Variants in GABRG2 observed in about 807,000 individuals in gnomAD.
The protein encoded by GABRG2 is gamma-aminobutyric acid type A receptor subunit gamma2, also known as gamma-aminobutyric acid receptor subunit gamma-2.
In GABRG2, 16 loss-of-function variants were observed where a neutral mutation model predicts 56.4. That is an observed-to-expected ratio of 0.28 (90% confidence interval 0.19 to 0.43). GABRG2 has a LOEUF of 0.43. GABRG2 is among the 20% of genes least tolerant of loss of function. The pLI is 1.00. For synonymous variants in GABRG2, 208 were observed against 205.5 expected (o/e 1.01, Z -0.10); for missense variants, 327 against 582.7 (o/e 0.56, Z 4.52).
intron 6 of GABRG2, among the ~76,000 whole-genome samples, chr5:162,137,178 G>A (rs191619258): frequency 3.4e-4 from 52 of 152,284 alleles, no homozygotes; most frequent in African/African-American, 1.2e-3. Flanking sequence ...GAAAGACTGA[G>A]TATTCTACCT....
intron 6 of GABRG2, among the ~76,000 whole-genome samples, chr5:162,118,819 A>C (rs1034070719): frequency 1.3e-5 from 2 of 152,142 alleles, no homozygotes; most frequent in African/African-American, 4.8e-5. Context: ...CAAAAGGCAA[A>C]ATTCTGACTT....
chr5:162,153,454 A>G lies in GABRG2; in HGVS notation c.*86A>G, dbSNP rs1442577284. 5 of 1,434,756 alleles carry G rather than the reference A, an allele frequency of 3.5e-6. No homozygotes were observed. The highest frequency in any genetic ancestry group is 4.9e-6 in the Non-Finnish European group (5 of 1,019,428). The allele number at this position is 1,434,756 out of a possible 1,614,324, so 88.9% of individuals were successfully genotyped here. ...TCTAAGTCCACTTAAATAATCCTCT[A>G]TGTGGTTGATAATGATCTGAATCTG... On this transcript the variant is annotated 3_prime_UTR_variant, in exon 10 of 10. Transcript: ENST00000639213.
chr5:162,078,450 G>A (rs148073809), intron 1 of GABRG2, among the ~76,000 whole-genome samples: 1,731 of 119,538 alleles, frequency 0.014, 73 homozygotes, highest in African/African-American at 0.056. Flanking sequence ...TCTATCGCCT[G>A]GGCTGGAGTG....
chr5:162,076,915 G>A lies in GABRG2; in HGVS notation c.107+8809G>A, dbSNP rs112881688. ...CTGCCCAAAATACCTTTCTGAATAT[G>A]TTTTTGCTACCTTCCAATTCACTCA... On this transcript the variant is annotated intron_variant, in intron 1 of 9. Coordinates refer to ENST00000639213, the MANE Select transcript of GABRG2 (RefSeq NM_198904.4). 1.4e-3 allele frequency among the ~76,000 whole-genome samples: 215 copies of A among 152,146 alleles called. 1 individual carries two copies. The highest frequency in any genetic ancestry group is 2.4e-3 in the Non-Finnish European group (161 of 67,998).
At chr5:162,146,812 C>G (rs915796449) in intron 7 of GABRG2, among the ~76,000 whole-genome samples, 3 of 152,188 alleles carry the variant, frequency 2.0e-5, no homozygotes, top group Admixed American at 2.0e-4. Context: ...AAAGGCTACC[C>G]TTCCTCTATA....
rs1293957163 is a variant in GABRG2 at position 162,101,284 on chromosome 5, G to A, written c.598G>A (p.Asp200Asn). Residue 200 changes from aspartate (D) to asparagine (N), a missense_variant, in exon 5 of 10, where the codon GAT (aspartate) becomes AAT (asparagine). Asp to Asn is a conservative substitution (Grantham distance 23). Transcript: ENST00000639213. Reference sequence around the variant, plus strand: ...ATTACAATTGCACAACTTTCCAATGGATGAACACTCCTGCCCCTTGGAGTT... The same window carrying A: ...ATTACAATTGCACAACTTTCCAATGAATGAACACTCCTGCCCCTTGGAGTT... ...CQLQLHNFPM[D>N]EHSCPLEFSS... 6.2e-7 allele frequency: 1 copy of A among 1,611,450 alleles called. No homozygotes were observed. The highest frequency in any genetic ancestry group is 1.3e-5 in the African/African-American group (1 of 74,758).
chr5:162,153,473 G>C lies in GABRG2; in HGVS notation c.*105G>C. ...TCCTCTATGTGGTTGATAATGATCT[G>C]AATCTGTTTCTATGTCCAAACCTGG... is the stretch of plus-strand genomic sequence containing the variant. On this transcript the variant is annotated 3_prime_UTR_variant, in exon 10 of 10. Transcript: ENST00000639213. The C allele has an allele frequency of 7.4e-7, 1 of 1,350,432 alleles. No homozygotes were observed. The allele number at this position is 1,350,432 out of a possible 1,614,324, so 83.7% of individuals were successfully genotyped here.
At chr5:162,109,122 C>T (rs1237767577) in intron 6 of GABRG2, among the ~76,000 whole-genome samples, 1 of 151,874 alleles carries the variant, frequency 6.6e-6, no homozygotes, top group Non-Finnish European at 1.5e-5. Context: ...AACCATCATT[C>T]TCAGCAAACT....
At chr5:162,147,435 G>T (rs1765046499) in intron 7 of GABRG2, among the ~76,000 whole-genome samples, 1 of 151,686 alleles carries the variant, frequency 6.6e-6, no homozygotes, top group African/African-American at 2.4e-5. Context: ...CACGATTTCA[G>T]CTCATTGCAA....
intron 6 of GABRG2, among the ~76,000 whole-genome samples, chr5:162,128,840 T>C (rs529856610): frequency 6.6e-6 from 1 of 152,068 alleles, no homozygotes; most frequent in East Asian, 1.9e-4. Context: ...TGGAATGCCA[T>C]TGTGAGAAAT....
At chr5:162,111,295 A>T (rs1024381334) in intron 6 of GABRG2, among the ~76,000 whole-genome samples, 3 of 152,158 alleles carry the variant, frequency 2.0e-5, no homozygotes, top group African/African-American at 4.8e-5. Context: ...GTTAACCAAA[A>T]ATGATAACCT....
At chr5:162,121,697 G>A (rs1177301542) in intron 6 of GABRG2, among the ~76,000 whole-genome samples, 1 of 151,966 alleles carries the variant, frequency 6.6e-6, no homozygotes, top group East Asian at 1.9e-4. Flanking sequence ...AACTAGCTTA[G>A]TGCCTGGCAC....
At chr5:162,136,864 G>A (rs1357673685) in intron 6 of GABRG2, among the ~76,000 whole-genome samples, 1 of 152,158 alleles carries the variant, frequency 6.6e-6, no homozygotes, top group African/African-American at 2.4e-5. Flanking sequence ...TGTTATATGA[G>A]AACTCTTGTG....
chr5:162,097,603 G>A lies in GABRG2; in HGVS notation c.328-35G>A, dbSNP rs772366020. 2.7e-5 allele frequency: 39 copies of A among 1,431,134 alleles called. No individual in the cohort carries two copies. In the East Asian group the frequency reaches 7.1e-4, roughly 26 times the overall value. The allele number at this position is 1,431,134 out of a possible 1,614,324, so 88.7% of individuals were successfully genotyped here. ...ATATTTAAAAAGATAATCTTACTGTGTACAAATTTTCTGTTTATCATTTTA... is the reference window on the plus strand; with the variant it reads ...ATATTTAAAAAGATAATCTTACTGTATACAAATTTTCTGTTTATCATTTTA... On this transcript the variant is annotated intron_variant, in intron 3 of 9. Coordinates refer to ENST00000639213, the MANE Select transcript of GABRG2 (RefSeq NM_198904.4).
intron 6 of GABRG2, among the ~76,000 whole-genome samples, chr5:162,139,596 A>G (rs1389940911): frequency 6.6e-6 from 1 of 152,220 alleles, no homozygotes; most frequent in Non-Finnish European, 1.5e-5. Flanking sequence ...AGGGAAGTGG[A>G]TAATTGCATT....
chr5:162,079,135 C>A (rs1450958513), intron 1 of GABRG2, among the ~76,000 whole-genome samples: 4 of 151,936 alleles, frequency 2.6e-5, no homozygotes, highest in African/African-American at 9.7e-5. Context: ...TTTCCAGGTA[C>A]TCTTGTGGTC....
intron 6 of GABRG2, among the ~76,000 whole-genome samples, chr5:162,113,418 A>T (rs547041546): frequency 6.6e-6 from 1 of 152,314 alleles, no homozygotes; most frequent in East Asian, 1.9e-4. Context: ...TGACAAGAAG[A>T]TATACTAAAA....
At chr5:162,152,396 C>A (rs1425160120) in intron 9 of GABRG2, 2 of 434,880 alleles carry the variant, frequency 4.6e-6, no homozygotes, top group East Asian at 6.6e-5. Context: ...TTAAATATAT[C>A]ATTTAGTTGC....
At chr5:162,115,740 C>T (rs1465159319) in intron 6 of GABRG2, among the ~76,000 whole-genome samples, 10 of 151,968 alleles carry the variant, frequency 6.6e-5, no homozygotes, top group Admixed American at 6.6e-4. Flanking sequence ...AATTTATTAG[C>T]CTATTATTTT....
Sources: gnomAD v4.1 joint callset for allele counts (sites outside exome capture counted in the v4.1 genomes callset) on GRCh38, gnomAD v4.1.1 for gene constraint, MANE v1.5 for transcripts, NCBI Gene and HGNC (gene_info 2026-07-23, HGNC 2026-07-21) for gene names.